RAC1: variants seen among roughly 807,000 people sequenced by gnomAD.
The protein encoded by RAC1 is ras-related C3 botulinum toxin substrate 1.
RAC1 carries 2 observed loss-of-function variants against 25.2 expected under a neutral mutation model. That is an observed-to-expected ratio of 0.08 (90% confidence interval 0.03 to 0.25). The LOEUF (loss-of-function observed/expected upper bound fraction) is 0.25. Among genes scored for constraint, RAC1 ranks in the 10% least tolerant of loss-of-function variants. RAC1 has a pLI of 1.00. For synonymous variants in RAC1, 88 were observed against 94.0 expected (o/e 0.94, Z 0.37); for missense variants, 50 against 235.7 (o/e 0.21, Z 5.16).
intron 1 of RAC1, among the ~76,000 whole-genome samples, chr7:6,381,479 G>T (rs1303869034): frequency 6.8e-6 from 1 of 147,982 alleles, no homozygotes; most frequent in Non-Finnish European, 1.5e-5. Context: ...TGCAACCTCT[G>T]CCTCCCAGGT....
At position 6,403,853 on chromosome 7, in the gene RAC1, A is replaced by G. The variant is rs1174818794; in HGVS notation, c.*1407A>G. On this transcript the variant is annotated 3_prime_UTR_variant, in exon 6 of 6. Coordinates refer to ENST00000348035, the MANE Select transcript of RAC1 (RefSeq NM_006908.5). ...AGCGTGGGACCCTTCAGCCACTACA[A>G]CAGAATTTTTTAAATTGACAGTTGC... The G allele has an allele frequency of 9.0e-6, 2 of 222,926 alleles. No homozygotes were observed. The highest frequency in any genetic ancestry group is 6.5e-5 in the East Asian group (1 of 15,298). 13.8% of individuals were successfully genotyped at this position (222,926 alleles called of 1,614,324 possible).
intron 1 of RAC1, among the ~76,000 whole-genome samples, chr7:6,379,268 ATT>A (rs768891793): frequency 0.15 from 16,043 of 105,680 alleles, 1,013 homozygotes; most frequent in Admixed American, 0.22. Flanking sequence ...TGCCGAGGTA[ATT>A]TTTTTTTTTT....
At chr7:6,379,095 AG>A (rs767194101) in intron 1 of RAC1, among the ~76,000 whole-genome samples, 55 of 152,110 alleles carry the variant, frequency 3.6e-4, no homozygotes, top group Non-Finnish European at 2.2e-4. Flanking sequence ...CGTCTCAAAA[AG>A]GAAAAAAAAG....
rs559046939 is a variant in RAC1, at chr7:6,397,042, A to C, written c.226-3084A>C. 2.2e-4 allele frequency among the ~76,000 whole-genome samples: 22 copies of C among 102,292 alleles called. 2 individuals carry two copies. The highest frequency in any genetic ancestry group is 2.0e-3 in the South Asian group (8 of 3,952). The allele number at this position is 102,292 out of a possible 152,430, so 67.1% of individuals were successfully genotyped here. A position where few individuals can be genotyped will look rare whatever the true frequency, so the allele number is the denominator to read the frequency against. ...CGAGACTCCCTCTCAAAAACAAAAA[A>C]AAAAAAAAAAAAGAAAAGAAACCCC... On this transcript the variant is annotated intron_variant, in intron 3 of 5. Transcript: ENST00000348035.
rs192271294 is a variant in RAC1 at position 6,396,812 on chromosome 7, C to T, written c.226-3314C>T. 4.8e-3 allele frequency among the ~76,000 whole-genome samples: 733 copies of T among 152,202 alleles called. 3 individuals carry two copies. Among genetic ancestry groups the T allele is most frequent in the African/African-American group, 0.016 (656 of 41,542 alleles). Reference sequence around the variant, plus strand: ...TTGGGAGGCCGAGGTGGGCGGATCACGAGGTCAGGAGATCGAGACCATCCT... The same window carrying T: ...TTGGGAGGCCGAGGTGGGCGGATCATGAGGTCAGGAGATCGAGACCATCCT... On this transcript the variant is annotated intron_variant, in intron 3 of 5. Transcript: ENST00000348035.
rs78383093 is a variant in RAC1, at chr7:6,386,363, A to G, written c.36-849A>G. Among the ~76,000 whole-genome samples the G allele has an allele frequency of 4.1e-4, 62 of 152,290 alleles. 1 individual carries two copies. In the East Asian group the frequency reaches 9.2e-3, roughly 23 times the overall value. The stretch of plus-strand genomic sequence containing the variant: ...TTGACTAAGCACTTTCTCTCAAGAG[A>G]ACAGTCATTGCTGATTGCCATAGGG... On this transcript the variant is annotated intron_variant, in intron 1 of 5. Coordinates refer to ENST00000348035, the MANE Select transcript of RAC1 (RefSeq NM_006908.5).
chr7:6,397,469 A>G (rs1037207410), intron 3 of RAC1, among the ~76,000 whole-genome samples: 1 of 151,310 alleles, frequency 6.6e-6, no homozygotes, highest in Non-Finnish European at 1.5e-5. Flanking sequence ...AATTTTTTGT[A>G]TTTTTAGTAG....
intron 2 of RAC1, among the ~76,000 whole-genome samples, chr7:6,387,649 G>T (rs952458945): frequency 2.6e-5 from 4 of 152,008 alleles, no homozygotes; most frequent in African/African-American, 7.2e-5. Context: ...CACTCGAACC[G>T]TGGAGGCGGA....
rs796848079 is a variant in RAC1 at position 6,391,865 on chromosome 7, G to C, written c.108-59G>C. The C allele has an allele frequency of 3.8e-5, 61 of 1,611,610 alleles. No individual in the cohort carries two copies. In the African/African-American group the frequency reaches 7.1e-4, roughly 19 times the overall value. Reference sequence around the variant, plus strand: ...TTCTTGGCACACCTTCTCTAGGATGGCTGGGACAGTGACTTAGCTTCTACA... The same window carrying C: ...TTCTTGGCACACCTTCTCTAGGATGCCTGGGACAGTGACTTAGCTTCTACA... On this transcript the variant is annotated intron_variant, in intron 2 of 5. Transcript: ENST00000348035.
intron 1 of RAC1, among the ~76,000 whole-genome samples, chr7:6,383,056 T>C (rs904697936): frequency 6.6e-6 from 1 of 152,254 alleles, no homozygotes; most frequent in African/African-American, 2.4e-5. Context: ...CGACTCATGT[T>C]CGTTTCCTAG....
chr7:6,401,844 C>G, intron 4 of RAC1, 24 bp from the exon 5 acceptor site: 1 of 1,604,410 alleles, frequency 6.2e-7, no homozygotes, highest in African/African-American at 1.3e-5. Context: ...CGTGTCACAA[C>G]CTCTGTTCCT....
Position 6,394,625 on chromosome 7 carries a change from G to T in RAC1, c.225+2584G>T, listed in dbSNP as rs773118126. Among the ~76,000 whole-genome samples, 18 of 152,258 alleles carry T rather than the reference G, an allele frequency of 1.2e-4. No homozygotes were observed. The East Asian group carries it at 1.4e-3, about 11-fold the overall frequency. ...GAGCCTCCATGTTGGGGTCAGCCAG[G>T]ACCCCAGTGCGTCATGCCAGTTGTT... is the stretch of plus-strand genomic sequence containing the variant. On this transcript the variant is annotated intron_variant, in intron 3 of 5. Coordinates refer to ENST00000348035, the MANE Select transcript of RAC1 (RefSeq NM_006908.5).
intron 1 of RAC1, among the ~76,000 whole-genome samples, chr7:6,385,591 C>T (rs1028735443): frequency 2.0e-5 from 3 of 152,156 alleles, no homozygotes; most frequent in African/African-American, 7.2e-5. Flanking sequence ...GAGTTGGAAG[C>T]TACTTCCTGG....
intron 1 of RAC1, among the ~76,000 whole-genome samples, chr7:6,376,572 T>C (rs1391280718): frequency 1.3e-5 from 2 of 149,008 alleles, no homozygotes; most frequent in Non-Finnish European, 3.0e-5. Flanking sequence ...GCGCGATCTC[T>C]GCTCCTGCAA....
chr7:6,375,228 C>G (rs887907210), intron 1 of RAC1, among the ~76,000 whole-genome samples: 2 of 152,010 alleles, frequency 1.3e-5, no homozygotes, highest in African/African-American at 2.4e-5. Context: ...ATTGTACGGG[C>G]CGCTTTGGTG....
At chr7:6,390,828 A>T (rs1361659549) in intron 2 of RAC1, among the ~76,000 whole-genome samples, 1 of 152,120 alleles carries the variant, frequency 6.6e-6, no homozygotes, top group East Asian at 1.9e-4. Flanking sequence ...TCACAATACT[A>T]TTTATCCAAT....
At chr7:6,402,092 CCA>C in intron 5 of RAC1, 65 bp downstream of exon 5, 1 of 1,549,808 alleles carries the variant, frequency 6.5e-7, no homozygotes, top group Non-Finnish European at 8.8e-7. Context: ...AGACTGGAGT[CCA>C]GTCTGGGAAA....
At chr7:6,375,252 C>T (rs1270291710) in intron 1 of RAC1, among the ~76,000 whole-genome samples, 1 of 152,004 alleles carries the variant, frequency 6.6e-6, no homozygotes, top group Non-Finnish European at 1.5e-5. Context: ...CCAAACTTTT[C>T]TTTAAAAAAA....
At chr7:6,392,197 C>T (rs1009525606) in intron 3 of RAC1, among the ~76,000 whole-genome samples, 156 bp downstream of exon 3, 5 of 152,160 alleles carry the variant, frequency 3.3e-5, no homozygotes, top group African/African-American at 9.7e-5. Context: ...TAAACATCCC[C>T]CTAGATGCAA....
Sources: allele counts gnomAD v4.1 joint callset (sites outside exome capture counted in the v4.1 genomes callset), GRCh38; gene constraint gnomAD v4.1.1; transcripts MANE v1.5; gene names NCBI Gene and HGNC (gene_info 2026-07-23, HGNC 2026-07-21).